DAB1: variants seen among roughly 807,000 people sequenced by gnomAD.
DAB1 encodes the protein disabled homolog 1.
DAB1 carries 15 observed loss-of-function variants against 64.6 expected under a neutral mutation model. The ratio of observed to expected loss-of-function variants is 0.23; its 90% CI spans 0.16 to 0.36. The LOEUF (loss-of-function observed/expected upper bound fraction) is 0.36. Ranked by LOEUF, DAB1 falls within the 10% of genes least tolerant of loss-of-function variation. The pLI is 1.00. For synonymous variants in DAB1, 235 were observed against 251.9 expected (o/e 0.93, Z 0.64); for missense variants, 596 against 706.7 (o/e 0.84, Z 1.78).
At chr1:58,411,733 C>T (rs761976970) in intron 3 of DAB1, among the ~76,000 whole-genome samples, 8 of 152,176 alleles carry the variant, frequency 5.3e-5, no homozygotes, top group Non-Finnish European at 1.0e-4. Context: ...CTAGCCACTT[C>T]CTTTTCAGAG....
chr1:58,215,842 C>CTAGA (rs2100305148), intron 4 of DAB1, among the ~76,000 whole-genome samples: 1 of 152,216 alleles, frequency 6.6e-6, no homozygotes, highest in South Asian at 2.1e-4. Flanking sequence ...CTGAACTGTG[C>CTAGA]TAGAGATCCT....
intron 2 of DAB1, among the ~76,000 whole-genome samples, chr1:57,246,743 G>A (rs935210813): frequency 2.6e-5 from 4 of 152,242 alleles, no homozygotes; most frequent in Non-Finnish European, 2.9e-5. Flanking sequence ...ATCCTGCAGC[G>A]CTCCAGGGGC....
chr1:58,545,860 C>T (rs548356422), intron 1 of DAB1, among the ~76,000 whole-genome samples: 2 of 152,200 alleles, frequency 1.3e-5, no homozygotes, highest in African/African-American at 4.8e-5. Flanking sequence ...TGATGGAAGG[C>T]TTTAAAAAAG....
chr1:57,480,773 C>A (rs1284516355), intron 7 of DAB1, among the ~76,000 whole-genome samples: 2 of 152,104 alleles, frequency 1.3e-5, no homozygotes, highest in Non-Finnish European at 2.9e-5. Context: ...GCATGAGCCA[C>A]CATGCCCAGC....
intron 4 of DAB1, among the ~76,000 whole-genome samples, chr1:57,127,202 C>T (rs1250188866): frequency 6.6e-6 from 1 of 152,086 alleles, no homozygotes; most frequent in African/African-American, 2.4e-5. Context: ...AAACAATAAG[C>T]AGTAGACTCC....
At chr1:57,338,010 G>T (rs1677237974) in intron 1 of DAB1, among the ~76,000 whole-genome samples, 1 of 150,400 alleles carries the variant, frequency 6.6e-6, no homozygotes, top group Non-Finnish European at 1.5e-5. Context: ...CTGAGACAAG[G>T]TTTCACTCTG....
chr1:57,781,435 C>A (rs1039844032), intron 6 of DAB1, among the ~76,000 whole-genome samples: 2 of 151,690 alleles, frequency 1.3e-5, no homozygotes, highest in Admixed American at 1.3e-4. Context: ...AACCTGACAA[C>A]AGCTATTATT....
At chr1:57,841,119 C>G (rs1653029966) in intron 1 of DAB1, among the ~76,000 whole-genome samples, 1 of 152,176 alleles carries the variant, frequency 6.6e-6, no homozygotes, top group African/African-American at 2.4e-5. Context: ...GGGCTACAGG[C>G]CCCATGCAAG....
intron 5 of DAB1, among the ~76,000 whole-genome samples, chr1:57,904,276 G>A (rs576183884): frequency 6.6e-6 from 1 of 152,282 alleles, no homozygotes; most frequent in Non-Finnish European, 1.5e-5. Context: ...GGCAAATGAT[G>A]TTTCCTTTGC....
chr1:57,098,499 G>T (rs1224680563), intron 4 of DAB1, among the ~76,000 whole-genome samples: 1 of 152,144 alleles, frequency 6.6e-6, no homozygotes, highest in Non-Finnish European at 1.5e-5. Flanking sequence ...GGCAGAAGGA[G>T]TGAATTGCTG....
At chr1:57,572,991 G>C (rs1474727700) in intron 7 of DAB1, among the ~76,000 whole-genome samples, 5 of 152,134 alleles carry the variant, frequency 3.3e-5, no homozygotes, top group Non-Finnish European at 4.4e-5. Context: ...CTCCCACCAG[G>C]CTCCATCTCC....
At chr1:58,358,039 G>T (rs1164259427) in intron 3 of DAB1, among the ~76,000 whole-genome samples, 1 of 152,176 alleles carries the variant, frequency 6.6e-6, no homozygotes, top group Non-Finnish European at 1.5e-5. Flanking sequence ...ACTCCCTGCT[G>T]CTAAGACCTT....
At chr1:58,458,575 G>A (rs1328082313) in intron 3 of DAB1, among the ~76,000 whole-genome samples, 30 of 152,200 alleles carry the variant, frequency 2.0e-4, no homozygotes, top group Admixed American at 1.9e-3. Context: ...AGGCCAAGGC[G>A]GGTGGATCAC....
chr1:57,095,917 T>C (rs1363417520), intron 4 of DAB1, among the ~76,000 whole-genome samples: 1 of 151,942 alleles, frequency 6.6e-6, no homozygotes, highest in East Asian at 1.9e-4. Context: ...TGAGAAAGAA[T>C]AATGCTTCCC....
chr1:57,419,348 C>T (rs1473954331), intron 1 of DAB1, among the ~76,000 whole-genome samples: 2 of 152,172 alleles, frequency 1.3e-5, no homozygotes, highest in Non-Finnish European at 2.9e-5. Context: ...AGTTGACAAA[C>T]ACACCTCTAG....
At chr1:57,219,635 TCTC>T (rs1262984173) in intron 2 of DAB1, among the ~76,000 whole-genome samples, 1 of 152,118 alleles carries the variant, frequency 6.6e-6, no homozygotes, top group African/African-American at 2.4e-5. Flanking sequence ...AGTGACAGAT[TCTC>T]CTACTGAAGG....
rs117021369 is a variant in DAB1 at position 57,818,988 on chromosome 1, G to A, written n.551+65011C>T. On this transcript the variant is annotated intron_variant and non_coding_transcript_variant, in intron 6 of 20. Transcript: ENST00000485760. ...ACAGAAAGATAGCAACTTGGTGCCCGAAATTTAGTAAATTTTTTTAAAAAA... is the reference window on the plus strand; with the variant it reads ...ACAGAAAGATAGCAACTTGGTGCCCAAAATTTAGTAAATTTTTTTAAAAAA... 1.6e-4 allele frequency among the ~76,000 whole-genome samples: 24 copies of A among 152,110 alleles called. No individual in the cohort carries two copies. The East Asian group carries it at 3.7e-3, about 23-fold the overall frequency.
intron 6 of DAB1, among the ~76,000 whole-genome samples, chr1:57,818,821 G>A (rs1048825679): frequency 4.0e-5 from 6 of 150,932 alleles, no homozygotes; most frequent in African/African-American, 1.2e-4. Flanking sequence ...TATGGTTAAC[G>A]GGGCAATTAG....
chr1:57,973,473 T>C (rs969921871), intron 5 of DAB1, among the ~76,000 whole-genome samples: 11 of 152,204 alleles, frequency 7.2e-5, no homozygotes, highest in Non-Finnish European at 1.2e-4. Flanking sequence ...TAAATATACA[T>C]CTTCTAAACA....
Sources: gnomAD v4.1 joint callset for allele counts (sites outside exome capture counted in the v4.1 genomes callset) on GRCh38, gnomAD v4.1.1 for gene constraint, MANE v1.5 for transcripts, NCBI Gene and HGNC (gene_info 2026-07-23, HGNC 2026-07-21) for gene names.